Variants in SNX29 observed in about 807,000 individuals in gnomAD.
SNX29 encodes sorting nexin 29.
SNX29 carries 78 observed loss-of-function variants against 102.1 expected under a neutral mutation model. The observed-to-expected ratio is 0.76, with a 90% CI of 0.64 to 0.92. SNX29 has a LOEUF of 0.92. SNX29 is among the 40% of genes least tolerant of loss of function. The pLI, the probability that SNX29 is intolerant of heterozygous loss-of-function variation, is 0.00. For missense variants in SNX29, 1,280 were observed against 1,061.7 expected, an observed-to-expected ratio of 1.21 and a Z score of -2.86; for synonymous variants, 580 against 414.5, an observed-to-expected ratio of 1.40 and a Z score of -4.85.
intron 20 of SNX29, among the ~76,000 whole-genome samples, chr16:12,552,261 G>A (rs982418301): frequency 3.9e-5 from 6 of 152,146 alleles, no homozygotes; most frequent in South Asian, 2.1e-4. Flanking sequence ...CTAGGGGCTC[G>A]TAAGCCCTGG....
rs370487039 is a variant in SNX29 at position 12,009,993 on chromosome 16, G to C, written c.122+6950G>C. Among the ~76,000 whole-genome samples the C allele has an allele frequency of 3.0e-4, 45 of 152,350 alleles. 1 individual carries two copies. In the South Asian group the frequency reaches 8.7e-3, roughly 29 times the overall value. On this transcript the variant is annotated intron_variant, in intron 3 of 20. Coordinates refer to ENST00000566228, the MANE Select transcript of SNX29 (RefSeq NM_032167.5). Reference sequence around the variant, plus strand: ...GGCAGTGGAATCAGCATGGGCTTTGGAGCTTGGCATTTGAATCCTGGGTTT... The same window carrying C: ...GGCAGTGGAATCAGCATGGGCTTTGCAGCTTGGCATTTGAATCCTGGGTTT...
At chr16:12,065,813 A>C (rs940485286) in intron 9 of SNX29, among the ~76,000 whole-genome samples, 2 of 152,194 alleles carry the variant, frequency 1.3e-5, no homozygotes, top group African/African-American at 4.8e-5. Context: ...CTGTATGCTA[A>C]AGTGGGTACA....
At chr16:12,084,184 C>G (rs958307938) in intron 11 of SNX29, among the ~76,000 whole-genome samples, 1 of 150,556 alleles carries the variant, frequency 6.6e-6, no homozygotes, top group Admixed American at 6.6e-5. Flanking sequence ...TTGCTCTTAT[C>G]GCCCAGGCTG....
At chr16:12,310,105 C>T (rs1005053474) in intron 15 of SNX29, among the ~76,000 whole-genome samples, 1 of 112,492 alleles carries the variant, frequency 8.9e-6, no homozygotes. Flanking sequence ...CACACATGCA[C>T]ACATACACGT....
chr16:12,080,001 T>C (rs942643522), intron 11 of SNX29, among the ~76,000 whole-genome samples: 2 of 152,216 alleles, frequency 1.3e-5, no homozygotes, highest in Admixed American at 6.5e-5. Context: ...TTGATGTAAT[T>C]GGTTTCCTTT....
intron 20 of SNX29, chr16:12,556,363 A>G (rs1218605470): frequency 6.6e-6 from 1 of 152,266 alleles, no homozygotes; most frequent in East Asian, 1.9e-4. Flanking sequence ...CTGGTTGAGT[A>G]TACCAGTCGT....
At chr16:12,083,810 A>G (rs4780410) in intron 11 of SNX29, among the ~76,000 whole-genome samples, 35,588 of 152,152 alleles carry the variant, frequency 0.23, 4,961 homozygotes, top group African/African-American at 0.39. Flanking sequence ...CCCACAAAGC[A>G]GCGAATGCTT....
intron 18 of SNX29, among the ~76,000 whole-genome samples, chr16:12,464,790 G>C (rs969824745): frequency 6.6e-6 from 1 of 152,190 alleles, no homozygotes; most frequent in Non-Finnish European, 1.5e-5. Flanking sequence ...AAGTAGGATT[G>C]CTGGATTCTG....
At chr16:12,232,416 A>C (rs1056689764) in intron 14 of SNX29, among the ~76,000 whole-genome samples, 17 of 152,214 alleles carry the variant, frequency 1.1e-4, no homozygotes, top group Non-Finnish European at 1.6e-4. Context: ...AATCCTTCGG[A>C]GACTGAGGCA....
rs184511848 is a variant in SNX29 at position 12,139,388 on chromosome 16, C to T, written c.1595+9630C>T. ...TGTCTTCCCTTTTAGACTGTGCGAT[C>T]CATGAGGGCAGTGGCCCGTCCTTGC... On this transcript the variant is annotated intron_variant, in intron 13 of 20. Coordinates refer to ENST00000566228, the MANE Select transcript of SNX29 (RefSeq NM_032167.5). Among the ~76,000 whole-genome samples, 9 of 152,226 alleles carry T rather than the reference C, an allele frequency of 5.9e-5. No individual in the cohort carries two copies. The East Asian group carries it at 1.6e-3, about 26-fold the overall frequency.
At chr16:12,021,473 T>G (rs2057018945) in intron 3 of SNX29, among the ~76,000 whole-genome samples, 1 of 152,130 alleles carries the variant, frequency 6.6e-6, no homozygotes, top group Non-Finnish European at 1.5e-5. Context: ...AAGGTTAATT[T>G]GATGCAGTTT....
chr16:12,564,361 A>C (rs1166829460), intron 20 of SNX29, among the ~76,000 whole-genome samples: 1 of 152,046 alleles, frequency 6.6e-6, no homozygotes, highest in African/African-American at 2.4e-5. Flanking sequence ...CAAAGGAGCC[A>C]AATCTATTTC....
chr16:12,450,202 C>T (rs2086243685), intron 18 of SNX29, among the ~76,000 whole-genome samples: 1 of 152,150 alleles, frequency 6.6e-6, no homozygotes, highest in Non-Finnish European at 1.5e-5. Flanking sequence ...TATAAATTAC[C>T]CAGTCTCAGT....
At chr16:12,367,970 A>G (rs2082546030) in intron 16 of SNX29, among the ~76,000 whole-genome samples, 1 of 152,232 alleles carries the variant, frequency 6.6e-6, no homozygotes. Context: ...GAGAGAAGAA[A>G]AGCATCTCTT....
chr16:12,520,093 C>T (rs527386560), intron 19 of SNX29, among the ~76,000 whole-genome samples: 6 of 152,338 alleles, frequency 3.9e-5, no homozygotes, highest in African/African-American at 1.4e-4. Context: ...CTGGGATCTT[C>T]CACACCTCTC....
At chr16:12,367,951 C>G (rs1048695673) in intron 16 of SNX29, among the ~76,000 whole-genome samples, 3 of 152,202 alleles carry the variant, frequency 2.0e-5, no homozygotes, top group Non-Finnish European at 4.4e-5. Flanking sequence ...CACTTTAAAC[C>G]TCTAGATCGA....
At chr16:12,247,008 G>A (rs557041932) in intron 14 of SNX29, among the ~76,000 whole-genome samples, 1 of 152,320 alleles carries the variant, frequency 6.6e-6, no homozygotes, top group East Asian at 1.9e-4. Context: ...AGAACTCAGA[G>A]AGTGAGGGGA....
At chr16:12,291,580 A>C (rs917579180) in intron 15 of SNX29, among the ~76,000 whole-genome samples, 1 of 152,208 alleles carries the variant, frequency 6.6e-6, no homozygotes, top group Non-Finnish European at 1.5e-5. Context: ...ACCCCTGGGC[A>C]CATAGTTTTT....
intron 20 of SNX29, among the ~76,000 whole-genome samples, chr16:12,554,905 C>T (rs947190449): frequency 6.6e-5 from 10 of 151,612 alleles, no homozygotes; most frequent in African/African-American, 2.2e-4. Flanking sequence ...ACAGGCAGTG[C>T]AGGGGAGAGG....
Sources: gnomAD v4.1 joint callset for allele counts (sites outside exome capture counted in the v4.1 genomes callset) on GRCh38, gnomAD v4.1.1 for gene constraint, MANE v1.5 for transcripts, NCBI Gene and HGNC (gene_info 2026-07-23, HGNC 2026-07-21) for gene names.